GALNT15: variants seen among roughly 807,000 people sequenced by gnomAD.
The protein encoded by GALNT15 is polypeptide N-acetylgalactosaminyltransferase 15, also known as UDP-GalNAc transferase T15.
GALNT15 carries 67 observed loss-of-function variants against 66.8 expected under a neutral mutation model. The ratio of observed to expected loss-of-function variants is 1.00; its 90% CI spans 0.82 to 1.23. The LOEUF (loss-of-function observed/expected upper bound fraction) is 1.23. Ranked by LOEUF, GALNT15 falls within the 50% of genes most tolerant of loss-of-function variation. GALNT15 has a pLI of 0.00. For missense variants in GALNT15, 827 were observed against 804.3 expected, an observed-to-expected ratio of 1.03 and a Z score of -0.34; for synonymous variants, 313 against 311.5, an observed-to-expected ratio of 1.00 and a Z score of -0.05.
chr3:16,212,451 C>T (rs182370588), intron 5 of GALNT15, 118 bp from the exon 6 acceptor site: 82 of 899,932 alleles, frequency 9.1e-5, no homozygotes, highest in Non-Finnish European at 1.0e-4. Context: ...ATCATCTTCA[C>T]CATTGAGTGC....
chr3:16,222,537 T>G, intron 8 of GALNT15, 78 bp from the exon 9 acceptor site: 7 of 1,560,810 alleles, frequency 4.5e-6, no homozygotes, highest in Non-Finnish European at 6.2e-6. Context: ...AGCTCTATAG[T>G]GGGTTCTTCT....
the GALNT15 span, among the ~76,000 whole-genome samples, chr3:16,240,255 G>A: frequency 1.5e-5 from 2 of 136,298 alleles, no homozygotes; most frequent in African/African-American, 5.4e-5. Context: ...CTAGTTCTTA[G>A]GATTACTTTG....
At chr3:16,235,613 A>G (rs531362664), downstream of GALNT15, among the ~76,000 whole-genome samples, 1 of 152,318 alleles carries the variant, frequency 6.6e-6, no homozygotes, top group East Asian at 1.9e-4. Context: ...GTGACTTACC[A>G]GAGAAATTTT....
rs2063722685 is a variant in GALNT15 at position 16,203,478 on chromosome 3, C to T, written c.911+2655C>T. On this transcript the variant is annotated intron_variant, in intron 3 of 9. Coordinates refer to ENST00000339732, the MANE Select transcript of GALNT15 (RefSeq NM_054110.5). This position sits in a 1 kb window ranked among gnomAD's most constrained non-coding sequence, Gnocchi z 6.2. ...CTCCTGTCTGTCTCTGCCTCTCTACCTCTCTCACGGTCTTTGTCTCTCTCT... is the reference window on the plus strand; with the variant it reads ...CTCCTGTCTGTCTCTGCCTCTCTACTTCTCTCACGGTCTTTGTCTCTCTCT... Among the ~76,000 whole-genome samples the T allele has an allele frequency of 1.3e-5, 2 of 151,684 alleles. No homozygotes were observed. The highest frequency in any genetic ancestry group is 4.2e-4 in the South Asian group (2 of 4,800).
intron 3 of GALNT15, among the ~76,000 whole-genome samples, chr3:16,207,800 T>C (rs566578314): frequency 3.7e-4 from 56 of 152,148 alleles, no homozygotes; most frequent in Admixed American, 3.9e-4. Context: ...GAAGATTTCA[T>C]TCAGGAGTGG....
downstream of GALNT15, among the ~76,000 whole-genome samples, chr3:16,234,350 A>G (rs2064113456): frequency 6.6e-6 from 1 of 152,118 alleles, no homozygotes; most frequent in African/African-American, 2.4e-5. Flanking sequence ...GCGAAAGCCA[A>G]AGAAGACTGC....
downstream of GALNT15, chr3:16,232,067 A>C: frequency 9.9e-7 from 1 of 1,010,470 alleles, no homozygotes; most frequent in Non-Finnish European, 1.4e-6. Context: ...AAAGGTGAGC[A>C]CCTCATTAGA....
At position 16,207,554 on chromosome 3, in the gene GALNT15, A is replaced by C. The variant is rs2063770940; in HGVS notation, c.912-949A>C. The stretch of plus-strand genomic sequence containing the variant: ...AAAAAAAAAAAAAAATTGGGCCTAA[A>C]ATTCCCCACCATTACCGGGAAATGA... On this transcript the variant is annotated intron_variant, in intron 3 of 9. Coordinates refer to ENST00000339732, the MANE Select transcript of GALNT15 (RefSeq NM_054110.5). Among the ~76,000 whole-genome samples the C allele has an allele frequency of 2.0e-5, 2 of 100,002 alleles. 1 individual carries two copies. 65.6% of individuals were successfully genotyped at this position (100,002 alleles called of 152,430 possible). A position where few individuals can be genotyped will look rare whatever the true frequency, so the allele number is the denominator to read the frequency against.
intron 3 of GALNT15, among the ~76,000 whole-genome samples, chr3:16,201,334 A>T (rs1407780436): frequency 6.6e-6 from 1 of 151,978 alleles, no homozygotes; most frequent in African/African-American, 2.4e-5. Context: ...GGCGCCCGCC[A>T]CCACACCCGG....
At position 16,211,970 on chromosome 3, in the gene GALNT15, A is replaced by G. The variant is rs1489625110; in HGVS notation, c.1198-599A>G. Among the ~76,000 whole-genome samples the G allele has an allele frequency of 6.6e-6, 1 of 152,196 alleles. No individual in the cohort carries two copies. The highest frequency in any genetic ancestry group is 1.5e-5 in the Non-Finnish European group (1 of 68,030). ...TGGGAACTCCAGTTTTGGTGTTTCC[A>G]TTCATATGCTGCTTATCCTAGGACA... is the stretch of plus-strand genomic sequence containing the variant. On this transcript the variant is annotated intron_variant, in intron 5 of 9. Transcript: ENST00000339732. The surrounding 1 kb of genome is among the most constrained non-coding windows in gnomAD (Gnocchi z 4.3).
chr3:16,220,410 T>C lies in GALNT15; in HGVS notation c.1629+396T>C, dbSNP rs116509161. On this transcript the variant is annotated intron_variant, in intron 8 of 9. Coordinates refer to ENST00000339732, the MANE Select transcript of GALNT15 (RefSeq NM_054110.5). ...GAAGGTAATCAAATCAGGATAAGGA[T>C]CTAGAGAAAACAGGGTCATCCCAGC... Among the ~76,000 whole-genome samples the C allele has an allele frequency of 2.2e-3, 336 of 152,288 alleles. 1 individual carries two copies. Among genetic ancestry groups the C allele is most frequent in the African/African-American group, 7.7e-3 (318 of 41,560 alleles).
chr3:16,232,518 A>ATATATATAT (rs1484870263), downstream of GALNT15, among the ~76,000 whole-genome samples: 112 of 113,328 alleles, frequency 9.9e-4, 11 homozygotes, highest in Non-Finnish European at 1.3e-3. Flanking sequence ...ATATTTATTT[A>ATATATATAT]AAAGAGACAT....
rs1412410979 is a variant in GALNT15 at position 16,187,263 on chromosome 3, C to A, written c.540-8497C>A. 9.4e-5 allele frequency among the ~76,000 whole-genome samples: 14 copies of A among 149,666 alleles called. No individual in the cohort carries two copies. Among genetic ancestry groups the A allele is most frequent in the Non-Finnish European group, 1.9e-4 (13 of 67,400 alleles). ...TGGGTGACAGAACAAGACTCCATCT[C>A]AAAAAAAAAATTAGTGATTTCAAAC... On this transcript the variant is annotated intron_variant, in intron 1 of 9. Transcript: ENST00000339732. The surrounding 1 kb of genome is among the most constrained non-coding windows in gnomAD (Gnocchi z 5.1).
chr3:16,218,247 C>T lies in GALNT15; in HGVS notation c.1393-1156C>T, dbSNP rs1305180995. ...GGAAAGCAGAACCAAACCAATCATA[C>T]TTTACACAGCCTGGTGGACCCGTGT... is the stretch of plus-strand genomic sequence containing the variant. On this transcript the variant is annotated intron_variant, in intron 6 of 9. Coordinates refer to ENST00000339732, the MANE Select transcript of GALNT15 (RefSeq NM_054110.5). Among the ~76,000 whole-genome samples, 4 of 152,284 alleles carry T rather than the reference C, an allele frequency of 2.6e-5. No individual in the cohort carries two copies. The East Asian group carries it at 5.8e-4, about 22-fold the overall frequency.
In GALNT15 at chr3:16,184,616, AT is replaced by A. The variant is rs753373536; in HGVS notation, c.539+8927del. On this transcript the variant is annotated intron_variant, in intron 1 of 9. Transcript: ENST00000339732. The surrounding 1 kb of genome is among the most constrained non-coding windows in gnomAD (Gnocchi z 5.0). ...ATGATTTGGTTATGTTTAATAGGAC[AT>A]AAACTCCATGCTATTAGGGGCTATC... Among the ~76,000 whole-genome samples, 69 of 152,232 alleles carry A rather than the reference AT, an allele frequency of 4.5e-4. No individual in the cohort carries two copies. The highest frequency in any genetic ancestry group is 7.9e-4 in the Non-Finnish European group (54 of 68,042).
the GALNT15 span, among the ~76,000 whole-genome samples, chr3:16,239,877 CT>C: frequency 1.3e-5 from 2 of 152,222 alleles, no homozygotes; most frequent in Non-Finnish European, 2.9e-5. The surrounding 1 kb of genome is among the most constrained non-coding windows in gnomAD (Gnocchi z 5.2). Flanking sequence ...GCGTGAGAAT[CT>C]TGCTTAAAAC....
At position 16,228,453 on chromosome 3, in the gene GALNT15, C is replaced by T; in HGVS notation, c.*953C>T. ...GTCAGGGGTTTGAGACCAGCCTGGT[C>T]AACATTGCAAAACCTTGTCTCTACT... On this transcript the variant is annotated 3_prime_UTR_variant, in exon 10 of 10. Transcript: ENST00000339732. 2 of 647,738 alleles carry T rather than the reference C, an allele frequency of 3.1e-6. No individual in the cohort carries two copies. Among genetic ancestry groups the T allele is most frequent in the Non-Finnish European group, 3.8e-6 (2 of 521,566 alleles). 40.1% of individuals were successfully genotyped at this position (647,738 alleles called of 1,614,324 possible). A position where few individuals can be genotyped will look rare whatever the true frequency, so the allele number is the denominator to read the frequency against.
At chr3:16,215,604 A>G (rs1305446870) in intron 6 of GALNT15, among the ~76,000 whole-genome samples, 1 of 152,142 alleles carries the variant, frequency 6.6e-6, no homozygotes, top group African/African-American at 2.4e-5. Flanking sequence ...GAAGGCAAGG[A>G]TGTATTTGGT....
intron 1 of GALNT15, among the ~76,000 whole-genome samples, chr3:16,178,653 A>C (rs2063438253): frequency 6.6e-6 from 1 of 152,170 alleles, no homozygotes; most frequent in African/African-American, 2.4e-5. Flanking sequence ...GAGTCCCTGC[A>C]AAGCAAGGCA....
Sources: gnomAD v4.1 joint callset for allele counts (sites outside exome capture counted in the v4.1 genomes callset) on GRCh38, gnomAD v4.1.1 for gene constraint, Gnocchi (gnomAD v3.1) non-coding constraint, MANE v1.5 for transcripts, NCBI Gene and HGNC (gene_info 2026-07-23, HGNC 2026-07-21) for gene names.